The following ATRNL1 variants were observed in gnomAD, a reference collection of about 807,000 sequenced individuals.
ATRNL1 encodes the protein attractin-like protein 1.
ATRNL1 carries 95 observed loss-of-function variants against 182.7 expected under a neutral mutation model. The ratio of observed to expected loss-of-function variants is 0.52; its 90% CI spans 0.44 to 0.62. The LOEUF (loss-of-function observed/expected upper bound fraction) is 0.62. Among genes scored for constraint, ATRNL1 ranks in the 20% least tolerant of loss-of-function variants. ATRNL1 has a pLI of 0.00. For missense variants in ATRNL1, 1,471 were observed against 1,679.5 expected (o/e 0.88, Z 2.17); for synonymous variants, 576 against 568.3 (o/e 1.01, Z -0.19).
Position 115,586,304 on chromosome 10 carries a change from TTGCTAGATTGGGGAAGTTCTCCTGGATAA to T in ATRNL1, c.3795+36770_3795+36798del, listed in dbSNP as rs1481098226. Among the ~76,000 whole-genome samples, 27 of 69,798 alleles carry T rather than the reference TTGCTAGATTGGGGAAGTTCTCCTGGATAA, an allele frequency of 3.9e-4. No homozygotes were observed. The South Asian group carries it at 4.1e-3, about 11-fold the overall frequency. The allele number at this position is 69,798 out of a possible 152,430, so 45.8% of individuals were successfully genotyped here. On this transcript the variant is annotated intron_variant, in intron 26 of 28. Transcript: ENST00000355044. ...TCCTGAATCTGAACGTTGGCCTGCCTTGCTAGATTGGGGAAGTTCTCCTGGATAATATCCTGCAGAGTGTTTTCCAACTT... is the reference window on the plus strand; with the variant it reads ...TCCTGAATCTGAACGTTGGCCTGCCTTATCCTGCAGAGTGTTTTCCAACTT...
chr10:115,787,250 G>A (rs1440461203), intron 27 of ATRNL1, among the ~76,000 whole-genome samples: 1 of 152,112 alleles, frequency 6.6e-6, no homozygotes, highest in African/African-American at 2.4e-5. Flanking sequence ...AGAAAAGAAT[G>A]ATATCTAAGA....
intron 8 of ATRNL1, among the ~76,000 whole-genome samples, chr10:115,193,820 T>A (rs991295487): frequency 7.2e-5 from 11 of 151,976 alleles, no homozygotes. Flanking sequence ...TTCTATTTTT[T>A]TAATGTAAGG....
At chr10:115,479,390 A>G (rs1008468102) in intron 24 of ATRNL1, among the ~76,000 whole-genome samples, 1 of 151,610 alleles carries the variant, frequency 6.6e-6, no homozygotes, top group Non-Finnish European at 1.5e-5. Flanking sequence ...AGAATTAATC[A>G]GACATTAATT....
intron 27 of ATRNL1, among the ~76,000 whole-genome samples, chr10:115,799,994 G>A (rs1051522971): frequency 6.6e-6 from 1 of 152,096 alleles, no homozygotes; most frequent in Non-Finnish European, 1.5e-5. Context: ...GCCGAGGCGG[G>A]TGGATCACCC....
chr10:115,242,968 CTT>C (rs1850484391), intron 10 of ATRNL1, among the ~76,000 whole-genome samples: 1 of 151,948 alleles, frequency 6.6e-6, no homozygotes, highest in Admixed American at 6.6e-5. Flanking sequence ...CTGGCAGTGA[CTT>C]TATCTCATTG....
chr10:115,212,566 C>T (rs1849072445), intron 8 of ATRNL1, among the ~76,000 whole-genome samples: 1 of 151,836 alleles, frequency 6.6e-6, no homozygotes, highest in Admixed American at 6.6e-5. Context: ...TGTTCATTGC[C>T]AGCACTATTC....
At chr10:115,496,952 G>A (rs893198794) in intron 24 of ATRNL1, among the ~76,000 whole-genome samples, 1 of 152,152 alleles carries the variant, frequency 6.6e-6, no homozygotes, top group Non-Finnish European at 1.5e-5. Context: ...GCAAGGCTAG[G>A]GGAGAAAGTT....
chr10:115,167,991 C>G (rs959315723), intron 7 of ATRNL1, among the ~76,000 whole-genome samples: 15 of 152,108 alleles, frequency 9.9e-5, no homozygotes, highest in Admixed American at 7.2e-4. Context: ...CCCCACACTT[C>G]CTCGTCTTCC....
intron 25 of ATRNL1, among the ~76,000 whole-genome samples, chr10:115,545,830 AG>A (rs1852623326): frequency 6.6e-6 from 1 of 152,190 alleles, no homozygotes; most frequent in Admixed American, 6.5e-5. Flanking sequence ...TCTGGATGTA[AG>A]GGATGATATA....
chr10:115,590,919 C>T (rs1555011973), intron 26 of ATRNL1, among the ~76,000 whole-genome samples: 1 of 152,134 alleles, frequency 6.6e-6, no homozygotes, highest in Admixed American at 6.6e-5. Flanking sequence ...GAACAACTCC[C>T]TAGTTATTGT....
intron 8 of ATRNL1, among the ~76,000 whole-genome samples, chr10:115,173,061 C>G (rs1018342246): frequency 2.6e-5 from 4 of 151,842 alleles, no homozygotes; most frequent in Non-Finnish European, 4.4e-5. Flanking sequence ...TCTTATTTTA[C>G]TGAGAAAACA....
chr10:115,722,089 C>A (rs1947445337), intron 26 of ATRNL1, among the ~76,000 whole-genome samples: 1 of 152,056 alleles, frequency 6.6e-6, no homozygotes, highest in African/African-American at 2.4e-5. Context: ...ACAAATATTG[C>A]AAAAATACCA....
At chr10:115,552,025 T>G (rs1337761216) in intron 26 of ATRNL1, among the ~76,000 whole-genome samples, 1 of 151,474 alleles carries the variant, frequency 6.6e-6, no homozygotes, top group Admixed American at 6.6e-5. Context: ...AAATTAAAAT[T>G]TATCATTGGT....
intron 21 of ATRNL1, among the ~76,000 whole-genome samples, chr10:115,450,668 A>T (rs1847234650): frequency 1.3e-5 from 2 of 152,362 alleles, no homozygotes; most frequent in Admixed American, 6.5e-5. Context: ...ATGGATAGGA[A>T]CTGTCAGTAT....
At chr10:115,647,891 A>G (rs1483163950) in intron 26 of ATRNL1, among the ~76,000 whole-genome samples, 2 of 152,146 alleles carry the variant, frequency 1.3e-5, no homozygotes, top group African/African-American at 4.8e-5. Flanking sequence ...CCTGAAGGGT[A>G]TTGCCTAGGT....
At chr10:115,124,316 G>T (rs1485120793) in intron 3 of ATRNL1, among the ~76,000 whole-genome samples, 1 of 152,140 alleles carries the variant, frequency 6.6e-6, no homozygotes, top group African/African-American at 2.4e-5. Context: ...ACTCAGGAAA[G>T]TTCTACACTT....
intron 28 of ATRNL1, among the ~76,000 whole-genome samples, chr10:115,877,607 T>C (rs1951729576): frequency 6.6e-6 from 1 of 152,220 alleles, no homozygotes; most frequent in Non-Finnish European, 1.5e-5. Flanking sequence ...AATATTTCCC[T>C]TGCAATAATA....
chr10:115,162,346 C>G (rs1215824335), intron 6 of ATRNL1, among the ~76,000 whole-genome samples: 1 of 151,850 alleles, frequency 6.6e-6, no homozygotes, highest in African/African-American at 2.4e-5. Flanking sequence ...TGAGCAAAAA[C>G]TTGAAGGAGA....
At chr10:115,321,024 T>C (rs995503717) in intron 18 of ATRNL1, among the ~76,000 whole-genome samples, 2 of 152,190 alleles carry the variant, frequency 1.3e-5, no homozygotes, top group Non-Finnish European at 2.9e-5. Flanking sequence ...TGTCTAGTTT[T>C]GAGTTTGAGT....
Sources: gnomAD v4.1 joint callset for allele counts (sites outside exome capture counted in the v4.1 genomes callset) on GRCh38, gnomAD v4.1.1 for gene constraint, MANE v1.5 for transcripts, NCBI Gene and HGNC (gene_info 2026-07-23, HGNC 2026-07-21) for gene names.